The following VRTN variants were observed in gnomAD, a reference collection of about 807,000 sequenced individuals.
VRTN encodes the protein vertnin.
In VRTN, 5 loss-of-function variants were observed where a neutral mutation model predicts 18.2. That is an observed-to-expected ratio of 0.27 (90% CI 0.14 to 0.58). The LOEUF (loss-of-function observed/expected upper bound fraction) is 0.58. Ranked by LOEUF, VRTN falls within the 20% of genes least tolerant of loss-of-function variation. The probability of loss-of-function intolerance (pLI) is 0.91; values close to 1 mark genes in which losing one functional copy is unlikely to be tolerated. For missense variants in VRTN, 741 were observed against 939.4 expected (o/e 0.79, Z 2.76); for synonymous variants, 381 against 393.7 (o/e 0.97, Z 0.38).
At chr14:74,320,292 G>A (rs1176683758) in intron 1 of VRTN, among the ~76,000 whole-genome samples, 5 of 114,422 alleles carry the variant, frequency 4.4e-5, no homozygotes, top group African/African-American at 1.4e-4. Context: ...ACGGAGTCTC[G>A]CTCTGTCGCC....
rs773509797 is a variant in VRTN, at chr14:74,357,180, G to T, written c.397G>T (p.Val133Leu). ...MIDSKVMLQA[V>L]RYSLCSEESP... is the part of the protein sequence containing the mutation. ...CGACTCCAAAGTGATGCTGCAGGCC[G>T]TGCGCTACTCCCTATGCTCTGAGGA... The change falls in exon 2 of 2, where the codon GTG becomes TTG. Residue 133 changes from valine (V) to leucine (L), a missense_variant. This residue lies in a region of VRTN where 186 missense variants were observed against 288.3 expected (regional missense o/e 0.65). Coordinates refer to ENST00000256362, the MANE Select transcript of VRTN (RefSeq NM_018228.3). The surrounding 1 kb of genome is among the most constrained non-coding windows in gnomAD (Gnocchi z 7.8). 3.1e-6 allele frequency: 5 copies of T among 1,602,598 alleles called. No individual in the cohort carries two copies. Among genetic ancestry groups the T allele is most frequent in the Non-Finnish European group, 4.3e-6 (5 of 1,174,598 alleles).
chr14:74,349,110 G>A (rs750974895), intron 1 of VRTN, among the ~76,000 whole-genome samples: 45 of 152,146 alleles, frequency 3.0e-4, no homozygotes, highest in Non-Finnish European at 6.2e-4. Context: ...TTCCAAACAC[G>A]TGGTCCAGTA....
At chr14:74,323,319 C>T (rs2085467699) in intron 1 of VRTN, among the ~76,000 whole-genome samples, 1 of 151,980 alleles carries the variant, frequency 6.6e-6, no homozygotes, top group Non-Finnish European at 1.5e-5. Context: ...GGCGGTGGCT[C>T]ATGCCTGTAA....
intron 1 of VRTN, among the ~76,000 whole-genome samples, chr14:74,303,393 A>G (rs2085165705): frequency 6.6e-6 from 1 of 152,150 alleles, no homozygotes; most frequent in East Asian, 1.9e-4. Context: ...TTTACAAAAG[A>G]CAAAAGCATT....
intron 1 of VRTN, among the ~76,000 whole-genome samples, chr14:74,332,689 C>A (rs981175908): frequency 6.6e-6 from 1 of 151,884 alleles, no homozygotes; most frequent in African/African-American, 2.4e-5. Context: ...CTTCCTTTAA[C>A]AACCAGTGCC....
intron 1 of VRTN, among the ~76,000 whole-genome samples, chr14:74,323,694 C>T (rs766445818): frequency 1.2e-4 from 19 of 152,074 alleles, no homozygotes; most frequent in Non-Finnish European, 2.6e-4. Context: ...AGAGTTAGTA[C>T]AGGGGTTTCT....
intron 1 of VRTN, among the ~76,000 whole-genome samples, chr14:74,309,688 C>G (rs895499188): frequency 6.6e-6 from 1 of 151,926 alleles, no homozygotes; most frequent in African/African-American, 2.4e-5. Flanking sequence ...CACAGCGAGA[C>G]CTCGTTTCTA....
intron 1 of VRTN, among the ~76,000 whole-genome samples, chr14:74,309,025 G>T (rs1006027437): frequency 2.0e-5 from 3 of 152,118 alleles, no homozygotes; most frequent in Admixed American, 2.0e-4. Context: ...ACCATGCCCA[G>T]CTAATTTCTG....
upstream of VRTN, among the ~76,000 whole-genome samples, chr14:74,343,796 C>T (rs1427345159): frequency 2.0e-5 from 3 of 151,880 alleles, no homozygotes; most frequent in South Asian, 2.1e-4. Flanking sequence ...AAACATACAT[C>T]GCATTAATTT....
upstream of VRTN, among the ~76,000 whole-genome samples, chr14:74,344,733 T>TAAAAAAAAAAAAAAAAA (rs60479764): frequency 5.6e-4 from 30 of 54,038 alleles, no homozygotes; most frequent in African/African-American, 3.0e-3. Context: ...AGACTCTGAC[T>TAAAAAAAAAAAAAAAAA]AAAAAAAAAA....
chr14:74,309,688 C>T (rs895499188), intron 1 of VRTN, among the ~76,000 whole-genome samples: 2 of 151,926 alleles, frequency 1.3e-5, no homozygotes, highest in African/African-American at 4.8e-5. Flanking sequence ...CACAGCGAGA[C>T]CTCGTTTCTA....
At position 74,357,494 on chromosome 14, in the gene VRTN, T is replaced by C. The variant is rs959636042; in HGVS notation, c.711T>C (p.Phe237=). The C allele has an allele frequency of 2.5e-6, 4 of 1,612,602 alleles. No individual in the cohort carries two copies. The highest frequency in any genetic ancestry group is 3.4e-6 in the Non-Finnish European group (4 of 1,179,938). ...LTSHFFRHQY[F]APVVGLEEVE... The stretch of plus-strand genomic sequence containing the variant: ...GCCACTTCTTCCGCCACCAGTACTT[T>C]GCCCCTGTGGTGGGGCTGGAAGAGG... Residue 237 remains phenylalanine (F), a synonymous_variant, in exon 2 of 2, where the codon TTT becomes TTC. Coordinates refer to ENST00000256362, the MANE Select transcript of VRTN (RefSeq NM_018228.3). The surrounding 1 kb of genome is among the most constrained non-coding windows in gnomAD (Gnocchi z 7.8).
chr14:74,348,804 T>C (rs1431843983), intron 1 of VRTN, among the ~76,000 whole-genome samples, 152 bp downstream of exon 1: 36 of 152,142 alleles, frequency 2.4e-4, no homozygotes, highest in Admixed American at 2.4e-3. Flanking sequence ...TATGTGTGTC[T>C]GGGAGTGTAT....
At chr14:74,316,757 C>T (rs1595163638) in intron 1 of VRTN, among the ~76,000 whole-genome samples, 1 of 151,438 alleles carries the variant, frequency 6.6e-6, no homozygotes, top group African/African-American at 2.4e-5. Flanking sequence ...CTGCCTCAGC[C>T]TCCCGAGTAG....
chr14:74,357,858 AC>A lies in VRTN; in HGVS notation c.1077del (p.Cys360AlafsTer15). 1 of 1,613,572 alleles carries A rather than the reference AC, an allele frequency of 6.2e-7. No individual in the cohort carries two copies. The highest frequency in any genetic ancestry group is 8.5e-7 in the Non-Finnish European group (1 of 1,179,820). On this transcript the variant is annotated frameshift_variant, in exon 2 of 2. Coordinates refer to ENST00000256362, the MANE Select transcript of VRTN (RefSeq NM_018228.3). LOFTEE classifies it low-confidence loss of function (END_TRUNC). The surrounding 1 kb of genome is among the most constrained non-coding windows in gnomAD (Gnocchi z 7.8). The stretch of plus-strand genomic sequence containing the variant: ...GAAGCATGAGCTGCTGGGCTCTGGC[AC>A]CTGCCCGGCCTTGCCCCCCAGGGAG... ...AWKHELLGSG[T>X]CPALPPREVL...
At chr14:74,319,898 G>C (rs2085442078) in intron 1 of VRTN, among the ~76,000 whole-genome samples, 2 of 152,152 alleles carry the variant, frequency 1.3e-5, no homozygotes, top group Non-Finnish European at 2.9e-5. Flanking sequence ...CAGCCAGGGA[G>C]GTAGGAGAAC....
chr14:74,311,774 T>G (rs936889634), intron 1 of VRTN, among the ~76,000 whole-genome samples: 1 of 148,474 alleles, frequency 6.7e-6, no homozygotes, highest in Admixed American at 6.8e-5. Flanking sequence ...TATACAGACT[T>G]TTTTTTTTTT....
chr14:74,320,407 C>T (rs376649935), intron 1 of VRTN, among the ~76,000 whole-genome samples: 1 of 149,742 alleles, frequency 6.7e-6, no homozygotes, highest in East Asian at 2.0e-4. Context: ...ACTACAGGCG[C>T]CCGCCGCCAC....
At chr14:74,316,873 G>A (rs1362069649) in intron 1 of VRTN, among the ~76,000 whole-genome samples, 6 of 151,888 alleles carry the variant, frequency 4.0e-5, no homozygotes, top group African/African-American at 1.5e-4. Flanking sequence ...TCCTGACCTC[G>A]TGATCCGCCC....
Sources: allele counts gnomAD v4.1 joint callset (sites outside exome capture counted in the v4.1 genomes callset), GRCh38; gene constraint gnomAD v4.1.1; regional missense constraint gnomAD v4.1.1; non-coding constraint Gnocchi (gnomAD v3.1); transcripts MANE v1.5; gene names NCBI Gene and HGNC (gene_info 2026-07-23, HGNC 2026-07-21).